Variants in GLI3 observed in about 807,000 individuals in gnomAD.
GLI3 encodes transcription activator GLI3.
Under a neutral mutation model 100.8 loss-of-function variants are expected in GLI3, and 20 were observed. The ratio of observed to expected loss-of-function variants is 0.20; its 90% CI spans 0.14 to 0.29. The LOEUF is 0.29. GLI3 is among the 10% of genes least tolerant of loss of function. The pLI, the probability that GLI3 is intolerant of heterozygous loss-of-function variation, is 1.00. For synonymous variants in GLI3, 938 were observed against 860.5 expected, an observed-to-expected ratio of 1.09 and a Z score of -1.58; for missense variants, 2,040 against 2,128.5, an observed-to-expected ratio of 0.96 and a Z score of 0.82.
chr7:42,209,837 A>G, intron 2 of GLI3, among the ~76,000 whole-genome samples: 1 of 131,414 alleles, frequency 7.6e-6, no homozygotes, highest in East Asian at 2.5e-4. Flanking sequence ...TTTTTTTTTG[A>G]GACAGTCTTG....
At position 41,972,417 on chromosome 7, in the gene GLI3, C is replaced by T. The variant is rs1787388692; in HGVS notation, c.2023G>A (p.Glu675Lys). The change falls in exon 13 of 15, where the codon GAG becomes AAG. Residue 675 changes from glutamate to lysine, a missense_variant. This residue lies in a region of GLI3 where 327 missense variants were observed against 338.7 expected (regional missense o/e 0.97). Transcript: ENST00000395925. This position sits in a 1 kb window ranked among gnomAD's most constrained non-coding sequence, Gnocchi z 4.4. ...PGRPTQGALG[E>K]QQDLSNTTSK... ...GTAGTGTTGCTGAGGTCCTGCTGCT[C>T]ACCAAGGGCTCCCTGAGTCGGTCGG... 6.2e-7 allele frequency: 1 copy of T among 1,613,780 alleles called. No homozygotes were observed. Among genetic ancestry groups the T allele is most frequent in the South Asian group, 1.1e-5 (1 of 91,064 alleles).
At chr7:42,162,711 T>C (rs376715463) in intron 2 of GLI3, among the ~76,000 whole-genome samples, 1 of 152,178 alleles carries the variant, frequency 6.6e-6, no homozygotes, top group South Asian at 2.1e-4. Context: ...AATCTTAGTA[T>C]GGACCAGCTA....
chr7:42,090,847 G>A (rs762322925), intron 3 of GLI3, among the ~76,000 whole-genome samples: 36 of 152,196 alleles, frequency 2.4e-4, no homozygotes, highest in Non-Finnish European at 4.1e-4. Flanking sequence ...ATATTTTCTT[G>A]CTTATACCAC....
intron 1 of GLI3, among the ~76,000 whole-genome samples, chr7:42,226,484 G>T (rs1041204620): frequency 2.0e-5 from 3 of 152,308 alleles, no homozygotes; most frequent in Admixed American, 6.5e-5. Flanking sequence ...AAGAGGTAAA[G>T]CTCCAGGCAC....
intron 7 of GLI3, among the ~76,000 whole-genome samples, chr7:42,031,545 G>T (rs1789297079): frequency 6.6e-6 from 1 of 152,232 alleles, no homozygotes; most frequent in Non-Finnish European, 1.5e-5. Flanking sequence ...GCAGGATGTG[G>T]AGGAGCTTCC....
chr7:42,150,582 A>G (rs1458422144), intron 2 of GLI3, among the ~76,000 whole-genome samples: 1 of 152,204 alleles, frequency 6.6e-6, no homozygotes, highest in East Asian at 1.9e-4. Flanking sequence ...TTCTGTAGAA[A>G]GGGACCTTCA....
chr7:42,165,217 G>C (rs917720189), intron 2 of GLI3, among the ~76,000 whole-genome samples: 1 of 151,612 alleles, frequency 6.6e-6, no homozygotes, highest in Non-Finnish European at 1.5e-5. Flanking sequence ...CTATTGAGTA[G>C]GGTGCGCTCT....
intron 2 of GLI3, among the ~76,000 whole-genome samples, chr7:42,155,487 T>C (rs1045931725): frequency 2.7e-5 from 4 of 150,858 alleles, no homozygotes; most frequent in African/African-American, 9.7e-5. Flanking sequence ...ATCAGAGCCA[T>C]AGAGTAGCTT....
At chr7:41,982,871 C>A (rs150595299) in intron 10 of GLI3, among the ~76,000 whole-genome samples, 1 of 152,122 alleles carries the variant, frequency 6.6e-6, no homozygotes, top group African/African-American at 2.4e-5. Flanking sequence ...TTGGCCCTTA[C>A]TTTTCTCATC....
At chr7:42,174,642 G>A (rs939394881) in intron 2 of GLI3, among the ~76,000 whole-genome samples, 2 of 152,094 alleles carry the variant, frequency 1.3e-5, no homozygotes, top group African/African-American at 2.4e-5. Flanking sequence ...AGCACATTTC[G>A]GTTCACAAAA....
chr7:41,968,237 C>T (rs529173695), intron 13 of GLI3, among the ~76,000 whole-genome samples: 94 of 152,300 alleles, frequency 6.2e-4, no homozygotes, highest in Admixed American at 3.3e-4. Context: ...ATCCCATCTC[C>T]ACCACTTTAT....
At chr7:42,073,289 G>A (rs1006843361) in intron 4 of GLI3, among the ~76,000 whole-genome samples, 13 of 152,082 alleles carry the variant, frequency 8.5e-5, no homozygotes, top group African/African-American at 1.2e-4. Context: ...GAATAAGCAG[G>A]GCAAGCTGAA....
At chr7:42,006,838 C>A (rs1440884466) in intron 10 of GLI3, among the ~76,000 whole-genome samples, 1 of 152,100 alleles carries the variant, frequency 6.6e-6, no homozygotes. Context: ...TTTCTTAGGA[C>A]TTAAAGACCA....
At chr7:42,142,740 C>T (rs2128783344) in intron 3 of GLI3, among the ~76,000 whole-genome samples, 1 of 150,980 alleles carries the variant, frequency 6.6e-6, no homozygotes, top group Admixed American at 6.6e-5. Flanking sequence ...TGGATCCTGG[C>T]TAACATGGTG....
chr7:42,007,535 C>G (rs1788491884), intron 10 of GLI3, among the ~76,000 whole-genome samples: 2 of 152,080 alleles, frequency 1.3e-5, no homozygotes, highest in African/African-American at 4.8e-5. Context: ...CTGGTATTCT[C>G]AAAGTACTTG....
intron 3 of GLI3, among the ~76,000 whole-genome samples, chr7:42,118,520 C>T (rs1785915828): frequency 6.6e-6 from 1 of 152,202 alleles, no homozygotes; most frequent in Non-Finnish European, 1.5e-5. Flanking sequence ...GTTTTTGATT[C>T]ACGTGGGGAA....
chr7:42,184,297 G>A (rs754350813), intron 2 of GLI3, among the ~76,000 whole-genome samples: 3 of 152,164 alleles, frequency 2.0e-5, no homozygotes, highest in Admixed American at 6.5e-5. Flanking sequence ...AGGGCTCTGC[G>A]CTGCCGTTCC....
chr7:41,998,035 T>G (rs1455308916), intron 10 of GLI3, among the ~76,000 whole-genome samples: 2 of 152,180 alleles, frequency 1.3e-5, no homozygotes, highest in Non-Finnish European at 2.9e-5. Flanking sequence ...AAATTTTAAT[T>G]TATTTTTTGC....
chr7:41,975,172 T>C (rs1787478739), intron 12 of GLI3, among the ~76,000 whole-genome samples: 1 of 152,192 alleles, frequency 6.6e-6, no homozygotes. Flanking sequence ...CTAGCAGCCC[T>C]AAATGAGCAG....
Sources: gnomAD v4.1 joint callset for allele counts (sites outside exome capture counted in the v4.1 genomes callset) on GRCh38, gnomAD v4.1.1 for gene constraint, gnomAD v4.1.1 regional missense constraint, Gnocchi (gnomAD v3.1) non-coding constraint, MANE v1.5 for transcripts, NCBI Gene and HGNC (gene_info 2026-07-23, HGNC 2026-07-21) for gene names.